CSMD1: variants seen among roughly 807,000 people sequenced by gnomAD.
CSMD1 encodes CUB and sushi domain-containing protein 1.
In CSMD1, 213 loss-of-function variants were observed where a neutral mutation model predicts 417.5. The ratio of observed to expected loss-of-function variants is 0.51; its 90% CI spans 0.46 to 0.57. The LOEUF is 0.57. Ranked by LOEUF, CSMD1 falls within the 20% of genes least tolerant of loss-of-function variation. The pLI is 0.00. For missense variants in CSMD1, 6,923 were observed against 4,529.7 expected, an observed-to-expected ratio of 1.53 and a Z score of -15.17; for synonymous variants, 2,862 against 1,736.8, an observed-to-expected ratio of 1.65 and a Z score of -16.11.
intron 12 of CSMD1, among the ~76,000 whole-genome samples, chr8:3,410,648 C>A (rs1298254722): frequency 6.6e-6 from 1 of 152,148 alleles, no homozygotes. Context: ...AAACCTTTTT[C>A]TTTTATAAAT....
At chr8:3,609,042 A>T (rs552109503) in intron 8 of CSMD1, among the ~76,000 whole-genome samples, 12 of 152,194 alleles carry the variant, frequency 7.9e-5, no homozygotes, top group Non-Finnish European at 1.6e-4. Context: ...GTGAGTGTAA[A>T]AACTTCTATT....
At chr8:4,016,380 C>G (rs910166517) in intron 4 of CSMD1, among the ~76,000 whole-genome samples, 1 of 152,070 alleles carries the variant, frequency 6.6e-6, no homozygotes, top group Non-Finnish European at 1.5e-5. Context: ...ATTGGCTTCC[C>G]GAGATGATCG....
intron 3 of CSMD1, among the ~76,000 whole-genome samples, chr8:4,223,059 T>C (rs6989855): frequency 2.6e-5 from 4 of 152,078 alleles, no homozygotes; most frequent in Non-Finnish European, 4.4e-5. Context: ...CATTGGACAT[T>C]GGAGAGCTGC....
At chr8:3,669,859 G>A (rs558716272) in intron 7 of CSMD1, among the ~76,000 whole-genome samples, 1 of 152,114 alleles carries the variant, frequency 6.6e-6, no homozygotes, top group Non-Finnish European at 1.5e-5. Context: ...ATGAACAGGA[G>A]GGGCCCAGGT....
At chr8:3,243,735 T>C (rs1265783890) in intron 26 of CSMD1, among the ~76,000 whole-genome samples, 3 of 151,252 alleles carry the variant, frequency 2.0e-5, no homozygotes, top group Non-Finnish European at 4.4e-5. Context: ...TTTATGAAAA[T>C]TACAAATATT....
chr8:4,981,413 G>C (rs1400261536), intron 1 of CSMD1, among the ~76,000 whole-genome samples: 1 of 152,086 alleles, frequency 6.6e-6, no homozygotes, highest in Admixed American at 6.5e-5. Flanking sequence ...CATTTTTCTA[G>C]ATATCCAACA....
chr8:3,981,064 G>A (rs555399566), intron 5 of CSMD1, among the ~76,000 whole-genome samples: 1 of 152,112 alleles, frequency 6.6e-6, no homozygotes, highest in African/African-American at 2.4e-5. Context: ...AAAAACGCCC[G>A]TACTTGTAGT....
chr8:4,715,172 A>G (rs1012436797), intron 1 of CSMD1, among the ~76,000 whole-genome samples: 7 of 152,312 alleles, frequency 4.6e-5, no homozygotes, highest in Non-Finnish European at 8.8e-5. Flanking sequence ...TAGTTATTCT[A>G]TTATTTCGCA....
At chr8:4,193,995 T>C (rs1799189824) in intron 3 of CSMD1, among the ~76,000 whole-genome samples, 1 of 152,108 alleles carries the variant, frequency 6.6e-6, no homozygotes. Flanking sequence ...GATTACTATA[T>C]ATCCCCTTCA....
At chr8:4,994,131 G>C (rs1013669383) in intron 1 of CSMD1, among the ~76,000 whole-genome samples, 4 of 152,134 alleles carry the variant, frequency 2.6e-5, no homozygotes, top group African/African-American at 7.2e-5. Flanking sequence ...TGGCGGGGTG[G>C]GGCGGGGGCC....
At chr8:4,180,424 C>T (rs766277518) in intron 3 of CSMD1, among the ~76,000 whole-genome samples, 14 of 109,044 alleles carry the variant, frequency 1.3e-4, no homozygotes, top group Non-Finnish European at 1.7e-4. Context: ...CTGGGGACTG[C>T]TGTGGGGTGG....
At chr8:4,176,862 T>C (rs899714211) in intron 3 of CSMD1, among the ~76,000 whole-genome samples, 3 of 148,156 alleles carry the variant, frequency 2.0e-5, no homozygotes, top group Non-Finnish European at 4.5e-5. Flanking sequence ...AAGGGATCAA[T>C]TCAACAAGAA....
At chr8:3,120,338 T>C (rs947051605) in intron 41 of CSMD1, among the ~76,000 whole-genome samples, 3 of 152,152 alleles carry the variant, frequency 2.0e-5, no homozygotes, top group Admixed American at 6.6e-5. Flanking sequence ...ATAAAGATAA[T>C]GTGAGAACAT....
intron 34 of CSMD1, 50 bp from the exon 35 acceptor site, chr8:3,189,061 T>C: frequency 2.6e-6 from 4 of 1,526,312 alleles, no homozygotes; most frequent in Non-Finnish European, 3.5e-6. Context: ...GGGACAGTGT[T>C]GATTTGGCAT....
intron 1 of CSMD1, among the ~76,000 whole-genome samples, chr8:4,648,543 A>C (rs895339878): frequency 1.3e-5 from 2 of 152,176 alleles, no homozygotes; most frequent in Non-Finnish European, 2.9e-5. Flanking sequence ...ATAGTGCTAT[A>C]ACTTATATTT....
Position 3,142,489 on chromosome 8 carries a change from G to C in CSMD1, c.6217C>G (p.Gln2073Glu). 6.2e-7 allele frequency: 1 copy of C among 1,613,784 alleles called. No individual in the cohort carries two copies. Among genetic ancestry groups the C allele is most frequent in the East Asian group, 2.2e-5 (1 of 44,880 alleles). ...HFYSDHSQNR[Q>E]GFKLAYQAYE... is the part of the protein sequence containing the mutation. ...CCTTGGTAAGCAAGTTTAAATCCTTGCCGGTTTTGCGAATGGTCACTATAA... is the reference window on the plus strand; with the variant it reads ...CCTTGGTAAGCAAGTTTAAATCCTTCCCGGTTTTGCGAATGGTCACTATAA... The change falls in exon 41 of 70, where the codon CAA becomes GAA. Residue 2073 changes from glutamine to glutamate, a missense_variant. Gln to Glu is a conservative substitution (Grantham distance 29). Coordinates refer to ENST00000635120, the MANE Select transcript of CSMD1 (RefSeq NM_033225.6).
At position 3,853,362 on chromosome 8, in the gene CSMD1, G is replaced by C. The variant is rs544906295; in HGVS notation, c.819-99320C>G. Among the ~76,000 whole-genome samples the C allele has an allele frequency of 9.9e-5, 15 of 152,130 alleles. 1 individual carries two copies. The South Asian group carries it at 3.1e-3, about 32-fold the overall frequency. The stretch of plus-strand genomic sequence containing the variant: ...CATGCTCCACAATTTACTTTAAAAA[G>C]GTATTGTTATGTAATGTAATGCATT... On this transcript the variant is annotated intron_variant, in intron 5 of 69. Transcript: ENST00000635120.
chr8:3,368,730 C>A (rs755510144), intron 19 of CSMD1, among the ~76,000 whole-genome samples: 2 of 152,178 alleles, frequency 1.3e-5, no homozygotes, highest in African/African-American at 4.8e-5. Flanking sequence ...ACATTTCCTG[C>A]ACAAAATGCA....
intron 1 of CSMD1, among the ~76,000 whole-genome samples, chr8:4,963,123 G>A (rs1809618757): frequency 6.6e-6 from 1 of 152,148 alleles, no homozygotes; most frequent in Non-Finnish European, 1.5e-5. Flanking sequence ...TCCCATGGGT[G>A]GCCCTCCTAC....
Sources: gnomAD v4.1 joint callset for allele counts (sites outside exome capture counted in the v4.1 genomes callset) on GRCh38, gnomAD v4.1.1 for gene constraint, MANE v1.5 for transcripts, NCBI Gene and HGNC (gene_info 2026-07-23, HGNC 2026-07-21) for gene names.